HEATR5A: variants seen among roughly 807,000 people sequenced by gnomAD.
HEATR5A encodes the protein HEAT repeat-containing protein 5A.
Under a neutral mutation model 218.8 loss-of-function variants are expected in HEATR5A, and 178 were observed. That is an observed-to-expected ratio of 0.81 (90% CI 0.72 to 0.92). The LOEUF (loss-of-function observed/expected upper bound fraction) is 0.92, where lower values mean the gene tolerates loss of function less well. HEATR5A is among the 40% of genes least tolerant of loss of function. The pLI, the probability that HEATR5A is intolerant of heterozygous loss-of-function variation, is 0.00. For synonymous variants in HEATR5A, 864 were observed against 871.6 expected, an observed-to-expected ratio of 0.99 and a Z score of 0.15; for missense variants, 2,420 against 2,418.9, an observed-to-expected ratio of 1.00 and a Z score of -0.01.
At chr14:31,411,273 T>G (rs1011369540) in intron 1 of HEATR5A, among the ~76,000 whole-genome samples, 2 of 152,162 alleles carry the variant, frequency 1.3e-5, no homozygotes, top group African/African-American at 4.8e-5. Context: ...GCACTGTAAT[T>G]AACTGTAATT....
chr14:31,318,188 A>G (rs1899971743), intron 26 of HEATR5A, 36 bp downstream of exon 26: 1 of 1,577,952 alleles, frequency 6.3e-7, no homozygotes, highest in Non-Finnish European at 8.7e-7. Flanking sequence ...CTGCTTCCCA[A>G]GATTATCTCT....
At chr14:31,350,047 C>T (rs1176733710) in intron 17 of HEATR5A, 68 bp from the exon 18 acceptor site, 1 of 1,100,206 alleles carries the variant, frequency 9.1e-7, no homozygotes, top group African/African-American at 1.6e-5. Context: ...TAGGAATGTA[C>T]ATTCTGGTTA....
intron 25 of HEATR5A, 70 bp downstream of exon 25, chr14:31,321,429 A>G (rs996821240): frequency 6.4e-5 from 79 of 1,229,458 alleles, no homozygotes; most frequent in Non-Finnish European, 8.3e-5. Context: ...GGCATGAGCC[A>G]CCATGCCTGG....
chr14:31,320,908 C>G (rs550483385), intron 25 of HEATR5A, among the ~76,000 whole-genome samples: 182 of 152,166 alleles, frequency 1.2e-3, no homozygotes, highest in African/African-American at 4.2e-3. Flanking sequence ...ATGTACTTTG[C>G]TTTTACTTGA....
At chr14:31,319,261 T>TC (rs1293262874) in intron 25 of HEATR5A, among the ~76,000 whole-genome samples, 1 of 152,116 alleles carries the variant, frequency 6.6e-6, no homozygotes, top group African/African-American at 2.4e-5. Context: ...CAAGTGATTC[T>TC]CCTGCCTCAG....
At chr14:31,386,898 T>A (rs1595163576) in intron 8 of HEATR5A, among the ~76,000 whole-genome samples, 1 of 152,174 alleles carries the variant, frequency 6.6e-6, no homozygotes, top group African/African-American at 2.4e-5. Flanking sequence ...TTACTGATAT[T>A]CGAGATAAGC....
chr14:31,411,369 T>C (rs981098312), intron 1 of HEATR5A, among the ~76,000 whole-genome samples: 11 of 152,188 alleles, frequency 7.2e-5, no homozygotes, highest in Middle Eastern at 6.8e-3. Flanking sequence ...GGCTGTCATA[T>C]AAAACCATGA....
intron 6 of HEATR5A, among the ~76,000 whole-genome samples, chr14:31,390,555 T>G (rs1357760009): frequency 6.6e-6 from 1 of 152,176 alleles, no homozygotes; most frequent in Non-Finnish European, 1.5e-5. Context: ...ATAATAAACT[T>G]TCATATACAG....
rs931287535 is a variant in HEATR5A at position 31,394,611 on chromosome 14, A to C, written c.598-385T>G. On this transcript the variant is annotated intron_variant, in intron 5 of 35. Coordinates refer to ENST00000543095, the MANE Select transcript of HEATR5A (RefSeq NM_015473.4). ...CGGGCGGATCACGAGGTCAGGAGAT[A>C]GAGACCATCCTGGCTAAGATGGTGG... 7.9e-5 allele frequency among the ~76,000 whole-genome samples: 12 copies of C among 152,094 alleles called. 1 individual carries two copies. The highest frequency in any genetic ancestry group is 7.8e-4 in the East Asian group (4 of 5,146).
chr14:31,333,863 C>T (rs183099181), intron 22 of HEATR5A, among the ~76,000 whole-genome samples: 1 of 143,812 alleles, frequency 7.0e-6, no homozygotes, highest in Non-Finnish European at 1.5e-5. Flanking sequence ...GAGACCCCAT[C>T]TCTACAAAAA....
intron 14 of HEATR5A, among the ~76,000 whole-genome samples, chr14:31,360,084 C>T (rs1232809111): frequency 6.7e-6 from 1 of 149,544 alleles, no homozygotes; most frequent in Non-Finnish European, 1.5e-5. Context: ...ATCAGGTACC[C>T]ATTCAGTATT....
At chr14:31,351,605 T>C (rs1467375833) in intron 16 of HEATR5A, among the ~76,000 whole-genome samples, 3 of 151,974 alleles carry the variant, frequency 2.0e-5, no homozygotes, top group Non-Finnish European at 2.9e-5. Context: ...TATAGTATAG[T>C]CCCAAGTATA....
intron 35 of HEATR5A, 80 bp from the exon 36 acceptor site, chr14:31,293,692 C>T (rs1408289375): frequency 7.7e-7 from 1 of 1,298,894 alleles, no homozygotes; most frequent in Non-Finnish European, 1.0e-6. Flanking sequence ...GATCTGTATA[C>T]ATTTTTCCCC....
chr14:31,319,449 G>A (rs1331061003), intron 25 of HEATR5A, among the ~76,000 whole-genome samples: 4 of 152,082 alleles, frequency 2.6e-5, no homozygotes, highest in Admixed American at 6.5e-5. Flanking sequence ...CACCGCGCCC[G>A]GCCTCTAATA....
Position 31,315,764 on chromosome 14 carries a change from A to C in HEATR5A, c.4218+6T>G. ...AAATTCCAGTTACAAATTAAGAAAT[A>C]CCAACCTCTGCCCAGGCTTTAAGCA... On this transcript the variant is annotated splice_donor_region_variant and intron_variant, in intron 27 of 35. Transcript: ENST00000543095. The C allele has an allele frequency of 6.4e-7, 1 of 1,563,380 alleles. No homozygotes were observed. Among genetic ancestry groups the C allele is most frequent in the South Asian group, 1.2e-5 (1 of 83,078 alleles).
In HEATR5A at chr14:31,309,107, TGGA is replaced by T; in HGVS notation, c.4514_4516del (p.Leu1505del). 6.2e-7 allele frequency: 1 copy of T among 1,614,000 alleles called. No individual in the cohort carries two copies. Among genetic ancestry groups the T allele is most frequent in the Non-Finnish European group, 8.5e-7 (1 of 1,179,880 alleles). On this transcript the variant is annotated inframe_deletion, in exon 29 of 36. Coordinates refer to ENST00000543095, the MANE Select transcript of HEATR5A (RefSeq NM_015473.4). Reference sequence around the variant, plus strand: ...GCTTGTAAGCCACAATGCTGTAGCATGGAGGATAAGTGCCCAGGAGTTGTAATA... The same window carrying T: ...GCTTGTAAGCCACAATGCTGTAGCATGGATAAGTGCCCAGGAGTTGTAATA...
intron 6 of HEATR5A, among the ~76,000 whole-genome samples, chr14:31,391,649 C>A (rs562325853): frequency 1.3e-5 from 2 of 152,146 alleles, no homozygotes; most frequent in African/African-American, 4.8e-5. Context: ...ACTCGCCACT[C>A]GCTGATTCAC....
chr14:31,383,457 A>G, intron 10 of HEATR5A, 64 bp downstream of exon 10: 4 of 1,469,896 alleles, frequency 2.7e-6, no homozygotes, highest in Non-Finnish European at 3.7e-6. Flanking sequence ...AAATTCTGTT[A>G]CTATGTGAAG....
chr14:31,319,893 A>C (rs1049734503), intron 25 of HEATR5A, among the ~76,000 whole-genome samples: 2 of 151,980 alleles, frequency 1.3e-5, no homozygotes, highest in Admixed American at 1.3e-4. Context: ...AAAAAACACA[A>C]AAATTAGCCG....
Sources: gnomAD v4.1 joint callset for allele counts (sites outside exome capture counted in the v4.1 genomes callset) on GRCh38, gnomAD v4.1.1 for gene constraint, MANE v1.5 for transcripts, NCBI Gene and HGNC (gene_info 2026-07-23, HGNC 2026-07-21) for gene names.